Variants in DSCAM observed in about 807,000 individuals in gnomAD.
The protein encoded by DSCAM is cell adhesion molecule DSCAM.
Under a neutral mutation model 217.7 loss-of-function variants are expected in DSCAM, and 47 were observed. The ratio of observed to expected loss-of-function variants is 0.22; its 90% CI spans 0.17 to 0.28. The LOEUF is 0.28. Ranked by LOEUF, DSCAM falls within the 10% of genes least tolerant of loss-of-function variation. The pLI is 1.00. For missense variants in DSCAM, 2,080 were observed against 2,618.3 expected (o/e 0.79, Z 4.49); for synonymous variants, 1,056 against 1,015.3 (o/e 1.04, Z -0.76).
intron 3 of DSCAM, among the ~76,000 whole-genome samples, chr21:40,407,510 C>A (rs186410835): frequency 1.3e-5 from 2 of 152,256 alleles, no homozygotes; most frequent in East Asian, 3.9e-4. Flanking sequence ...CTTTGGAGGT[C>A]TTTCAAGCTT....
chr21:40,576,051 G>A (rs1298376806), intron 3 of DSCAM, among the ~76,000 whole-genome samples: 1 of 151,860 alleles, frequency 6.6e-6, no homozygotes, highest in Non-Finnish European at 1.5e-5. Flanking sequence ...AGTTTAAGTG[G>A]TACCTTTTAG....
chr21:40,311,482 G>C (rs1191997321), intron 9 of DSCAM, among the ~76,000 whole-genome samples: 2 of 152,112 alleles, frequency 1.3e-5, no homozygotes, highest in East Asian at 3.9e-4. Flanking sequence ...TTTTCTACAA[G>C]TTAGCCTACC....
chr21:40,231,286 T>C (rs762053537), intron 11 of DSCAM, among the ~76,000 whole-genome samples: 5 of 151,922 alleles, frequency 3.3e-5, no homozygotes, highest in Non-Finnish European at 7.4e-5. Flanking sequence ...TCACTCTCAC[T>C]CCAGTCCACA....
At chr21:40,823,292 A>G (rs2091944203) in intron 1 of DSCAM, among the ~76,000 whole-genome samples, 1 of 149,236 alleles carries the variant, frequency 6.7e-6, no homozygotes, top group Non-Finnish European at 1.5e-5. Flanking sequence ...CAGATAAACC[A>G]TAAAAAAAAA....
At chr21:40,770,794 T>TA (rs2091437382) in intron 1 of DSCAM, among the ~76,000 whole-genome samples, 1 of 152,204 alleles carries the variant, frequency 6.6e-6, no homozygotes, top group African/African-American at 2.4e-5. Flanking sequence ...ATGTGGCTGG[T>TA]AAGAAGAACA....
In DSCAM at chr21:40,144,189, G is replaced by T. The variant is rs908740352; in HGVS notation, c.3259+302C>A. ...ATTTCTGCATTCTCGTGAGACTTCTGCAGTAATAGAGAGAGCCTTGTTTTC... is the reference window on the plus strand; with the variant it reads ...ATTTCTGCATTCTCGTGAGACTTCTTCAGTAATAGAGAGAGCCTTGTTTTC... On this transcript the variant is annotated intron_variant, in intron 17 of 32. Transcript: ENST00000400454. The surrounding 1 kb of genome is among the most constrained non-coding windows in gnomAD (Gnocchi z 4.8). Among the ~76,000 whole-genome samples, 7 of 152,250 alleles carry T rather than the reference G, an allele frequency of 4.6e-5. No individual in the cohort carries two copies. Among genetic ancestry groups the T allele is most frequent in the African/African-American group, 1.7e-4 (7 of 41,474 alleles).
At chr21:40,088,690 A>G (rs1237346314) in intron 21 of DSCAM, among the ~76,000 whole-genome samples, 1 of 152,234 alleles carries the variant, frequency 6.6e-6, no homozygotes, top group Non-Finnish European at 1.5e-5. Context: ...ATTAGGCAGC[A>G]TCAGATTTCC....
At chr21:40,764,734 A>G (rs949152424) in intron 1 of DSCAM, among the ~76,000 whole-genome samples, 1 of 152,250 alleles carries the variant, frequency 6.6e-6, no homozygotes, top group African/African-American at 2.4e-5. Flanking sequence ...GATAAAGAAA[A>G]TATGGCACAT....
intron 4 of DSCAM, among the ~76,000 whole-genome samples, chr21:40,363,731 A>C (rs956571926): frequency 6.6e-6 from 1 of 152,208 alleles, no homozygotes; most frequent in African/African-American, 2.4e-5. Flanking sequence ...CTACCATCAG[A>C]GTGAACAGGC....
intron 2 of DSCAM, among the ~76,000 whole-genome samples, chr21:40,705,441 C>T (rs549828122): frequency 2.0e-5 from 3 of 152,068 alleles, no homozygotes; most frequent in Non-Finnish European, 4.4e-5. Flanking sequence ...TTAGTCCATT[C>T]TCACACTGCT....
At chr21:40,567,859 A>G (rs1000982168) in intron 3 of DSCAM, among the ~76,000 whole-genome samples, 2 of 152,204 alleles carry the variant, frequency 1.3e-5, no homozygotes, top group African/African-American at 4.8e-5. Flanking sequence ...AAACATTAAA[A>G]TTCAGTCTTT....
intron 1 of DSCAM, among the ~76,000 whole-genome samples, chr21:40,790,782 C>A (rs771136966): frequency 1.2e-4 from 19 of 152,160 alleles, no homozygotes; most frequent in Non-Finnish European, 2.6e-4. Context: ...TTCTAGGAAG[C>A]ACATAACAAG....
Position 40,127,962 on chromosome 21 carries a change from T to C in DSCAM, c.3563-3634A>G, listed in dbSNP as rs540362960. 1.8e-3 allele frequency among the ~76,000 whole-genome samples: 267 copies of C among 152,148 alleles called. 1 individual carries two copies. The highest frequency in any genetic ancestry group is 6.3e-3 in the African/African-American group (261 of 41,490). On this transcript the variant is annotated intron_variant, in intron 19 of 32. Coordinates refer to ENST00000400454, the MANE Select transcript of DSCAM (RefSeq NM_001389.5). ...TTGGGATGCCTCTGTCTGGAGTTTT[T>C]CCCACCCTCTGCCTTCTTCCTGGCA...
intron 1 of DSCAM, among the ~76,000 whole-genome samples, chr21:40,768,527 G>A (rs1339421932): frequency 6.6e-6 from 1 of 152,212 alleles, no homozygotes; most frequent in African/African-American, 2.4e-5. Context: ...CATAACCTGT[G>A]AGGAAAAGAT....
At chr21:40,525,057 C>A (rs1461503273) in intron 3 of DSCAM, among the ~76,000 whole-genome samples, 1 of 141,208 alleles carries the variant, frequency 7.1e-6, no homozygotes, top group Admixed American at 7.4e-5. Flanking sequence ...CTGTGAAATT[C>A]AAATACATTA....
chr21:40,268,527 G>A (rs973937629), intron 11 of DSCAM, among the ~76,000 whole-genome samples: 8 of 151,772 alleles, frequency 5.3e-5, no homozygotes, highest in East Asian at 3.9e-4. Context: ...TGAAATAGGC[G>A]CAATTACCCC....
intron 32 of DSCAM, among the ~76,000 whole-genome samples, chr21:40,017,706 C>T (rs753909412): frequency 1.3e-5 from 2 of 152,106 alleles, no homozygotes; most frequent in African/African-American, 4.8e-5. Flanking sequence ...CATGCACCAC[C>T]ACGCCTGGCT....
intron 2 of DSCAM, among the ~76,000 whole-genome samples, 159 bp from the exon 3 acceptor site, chr21:40,693,115 C>A (rs1033342967): frequency 6.6e-6 from 1 of 152,184 alleles, no homozygotes; most frequent in African/African-American, 2.4e-5. Context: ...TCTTTCATCG[C>A]CTGACTTAAG....
At chr21:40,827,483 A>AAAAAAAAAAAAG (rs1569056712) in intron 1 of DSCAM, among the ~76,000 whole-genome samples, 5 of 133,444 alleles carry the variant, frequency 3.7e-5, no homozygotes, top group Non-Finnish European at 6.3e-5. Flanking sequence ...AAAAAAAAAA[A>AAAAAAAAAAAAG]AAAGAAAAGA....
Sources: allele counts gnomAD v4.1 joint callset (sites outside exome capture counted in the v4.1 genomes callset), GRCh38; gene constraint gnomAD v4.1.1; non-coding constraint Gnocchi (gnomAD v3.1); transcripts MANE v1.5; gene names NCBI Gene and HGNC (gene_info 2026-07-23, HGNC 2026-07-21).